Variants in MAPK10 observed in about 807,000 individuals in gnomAD.
MAPK10 encodes the protein JNK3 alpha protein kinase.
Under a neutral mutation model 59.3 loss-of-function variants are expected in MAPK10, and 25 were observed. The observed-to-expected ratio is 0.42, with a 90% CI of 0.31 to 0.59. MAPK10 has a LOEUF of 0.59. MAPK10 is among the 20% of genes least tolerant of loss of function. MAPK10 has a pLI of 0.15. For missense variants in MAPK10, 351 were observed against 568.9 expected (o/e 0.62, Z 3.90); for synonymous variants, 190 against 200.5 (o/e 0.95, Z 0.44).
chr4:86,246,131 C>T (rs1470727742), intron 2 of MAPK10, among the ~76,000 whole-genome samples: 1 of 152,010 alleles, frequency 6.6e-6, no homozygotes, highest in Non-Finnish European at 1.5e-5. Context: ...ATTAAATAAC[C>T]TTAAAAGTCA....
At chr4:86,066,663 G>T (rs1381741957) in intron 10 of MAPK10, among the ~76,000 whole-genome samples, 1 of 150,472 alleles carries the variant, frequency 6.6e-6, no homozygotes, top group Non-Finnish European at 1.5e-5. Flanking sequence ...TACTCGGGAG[G>T]TTGAGGCAGG....
intron 1 of MAPK10, among the ~76,000 whole-genome samples, chr4:86,408,245 G>T (rs947505637): frequency 6.6e-6 from 1 of 151,970 alleles, no homozygotes; most frequent in African/African-American, 2.4e-5. Context: ...ATTTTTTATG[G>T]CTGCATAGTA....
At chr4:86,307,398 A>G (rs1457254977) in intron 2 of MAPK10, among the ~76,000 whole-genome samples, 1 of 152,168 alleles carries the variant, frequency 6.6e-6, no homozygotes, top group Non-Finnish European at 1.5e-5. Flanking sequence ...TGTATGCATG[A>G]GTGTGGGAAC....
intron 11 of MAPK10, among the ~76,000 whole-genome samples, chr4:86,041,178 G>A (rs977532706): frequency 6.6e-6 from 1 of 151,792 alleles, no homozygotes; most frequent in Admixed American, 6.6e-5. Flanking sequence ...AATGTGTTAA[G>A]GCATCTACAA....
chr4:86,444,056 A>C (rs967348082), intron 1 of MAPK10, among the ~76,000 whole-genome samples: 1 of 152,118 alleles, frequency 6.6e-6, no homozygotes, highest in African/African-American at 2.4e-5. Context: ...AAAAATAAAA[A>C]ACAAAAAACA....
At chr4:86,202,252 A>C (rs2082794721) in intron 2 of MAPK10, among the ~76,000 whole-genome samples, 1 of 151,888 alleles carries the variant, frequency 6.6e-6, no homozygotes, top group Non-Finnish European at 1.5e-5. Flanking sequence ...ACTGTCTTGC[A>C]GCATACATTA....
intron 2 of MAPK10, among the ~76,000 whole-genome samples, chr4:86,279,739 T>C (rs2094724360): frequency 6.6e-6 from 1 of 152,058 alleles, no homozygotes; most frequent in South Asian, 2.1e-4. Flanking sequence ...CCTGAAAGGA[T>C]AATGAGTGAA....
intron 2 of MAPK10, among the ~76,000 whole-genome samples, chr4:86,307,111 G>A (rs1168890968): frequency 6.6e-6 from 1 of 152,158 alleles, no homozygotes; most frequent in African/African-American, 2.4e-5. Flanking sequence ...ATCTTCTTCT[G>A]ACTCACAGTG....
At chr4:86,111,942 G>C (rs770384282) in intron 4 of MAPK10, among the ~76,000 whole-genome samples, 1 of 152,100 alleles carries the variant, frequency 6.6e-6, no homozygotes, top group Non-Finnish European at 1.5e-5. Flanking sequence ...TCCTGGTTCA[G>C]TTTGAGGAGG....
At chr4:86,314,505 C>G (rs1363656538) in intron 2 of MAPK10, among the ~76,000 whole-genome samples, 3 of 152,128 alleles carry the variant, frequency 2.0e-5, no homozygotes, top group Admixed American at 2.0e-4. Flanking sequence ...TCACCTCCCA[C>G]CATGATTCTG....
In MAPK10 at chr4:86,359,842, C is replaced by T. The variant is rs982364908; in HGVS notation, c.-306G>A. 25 of 985,312 alleles carry T rather than the reference C, an allele frequency of 2.5e-5. No individual in the cohort carries two copies. The highest frequency in any genetic ancestry group is 2.8e-5 in the Non-Finnish European group (23 of 829,902). The allele number at this position is 985,312 out of a possible 1,614,324, so 61.0% of individuals were successfully genotyped here. A position where few individuals can be genotyped will look rare whatever the true frequency, so the allele number is the denominator to read the frequency against. The stretch of plus-strand genomic sequence containing the variant: ...AAACCCAATCTTAAACTCACTCAAG[C>T]CCCTAGGAATTGAGGGGTGAGGACA... On this transcript the variant is annotated 5_prime_UTR_variant, in exon 1 of 14. Transcript: ENST00000641462.
At chr4:86,026,202 C>A (rs1750123032) in intron 13 of MAPK10, among the ~76,000 whole-genome samples, 1 of 152,088 alleles carries the variant, frequency 6.6e-6, no homozygotes, top group Admixed American at 6.5e-5. Context: ...GTTTTGGGAG[C>A]TTTACTTCTC....
chr4:86,414,658 C>A (rs1745633768), intron 1 of MAPK10, among the ~76,000 whole-genome samples: 1 of 152,152 alleles, frequency 6.6e-6, no homozygotes, highest in East Asian at 1.9e-4. Context: ...TTTGGCCAGT[C>A]TGTGCTAGTT....
At chr4:86,414,172 ACCCCTC>A (rs1745562656) in intron 1 of MAPK10, among the ~76,000 whole-genome samples, 2 of 151,952 alleles carry the variant, frequency 1.3e-5, no homozygotes, top group South Asian at 4.2e-4. Context: ...CAACCATTCT[ACCCCTC>A]ATCCATGATA....
intron 2 of MAPK10, among the ~76,000 whole-genome samples, chr4:86,286,094 A>C (rs999246430): frequency 1.3e-5 from 2 of 152,248 alleles, no homozygotes; most frequent in Non-Finnish European, 2.9e-5. Flanking sequence ...TTTACTAGCT[A>C]TCTGGGCATC....
intron 3 of MAPK10, among the ~76,000 whole-genome samples, chr4:86,174,726 C>T: frequency 6.6e-6 from 1 of 152,152 alleles, no homozygotes; most frequent in East Asian, 1.9e-4. Flanking sequence ...GAGGACAACC[C>T]TTGCTCACCT....
chr4:86,085,738 C>G (rs2051660791), intron 9 of MAPK10, among the ~76,000 whole-genome samples: 1 of 152,098 alleles, frequency 6.6e-6, no homozygotes, highest in Non-Finnish European at 1.5e-5. Flanking sequence ...AATCCCACTG[C>G]TGGGTATATA....
intron 1 of MAPK10, among the ~76,000 whole-genome samples, chr4:86,582,543 T>A (rs1762377675): frequency 6.6e-6 from 1 of 152,184 alleles, no homozygotes; most frequent in Non-Finnish European, 1.5e-5. Flanking sequence ...AAAACAGGCC[T>A]CCTTTTCCTT....
intron 4 of MAPK10, among the ~76,000 whole-genome samples, chr4:86,130,878 G>C (rs1239332959): frequency 6.6e-6 from 1 of 152,044 alleles, no homozygotes; most frequent in African/African-American, 2.4e-5. Context: ...CATTCCTGTT[G>C]GTATTAAATT....
Sources: allele counts gnomAD v4.1 joint callset (sites outside exome capture counted in the v4.1 genomes callset), GRCh38; gene constraint gnomAD v4.1.1; transcripts MANE v1.5; gene names NCBI Gene and HGNC (gene_info 2026-07-23, HGNC 2026-07-21).